BTBD8: variants seen among roughly 807,000 people sequenced by gnomAD.
BTBD8 encodes BTB/POZ domain-containing protein 8.
A neutral mutation model predicts 162.9 loss-of-function variants in BTBD8; 110 were observed. The observed-to-expected ratio is 0.68, with a 90% CI of 0.58 to 0.79. BTBD8 has a LOEUF of 0.79. Among genes scored for constraint, BTBD8 ranks in the 30% least tolerant of loss-of-function variants. BTBD8 has a pLI of 0.00. For missense variants in BTBD8, 1,905 were observed against 2,085.4 expected (o/e 0.91, Z 1.68); for synonymous variants, 667 against 716.1 (o/e 0.93, Z 1.10).
At chr1:92,117,536 T>G (rs145269459) in intron 4 of BTBD8, among the ~76,000 whole-genome samples, 2 of 151,992 alleles carry the variant, frequency 1.3e-5, no homozygotes, top group African/African-American at 4.8e-5. Context: ...CGGAAGGAAC[T>G]TGAATATCTG....
At chr1:92,086,513 C>T (rs768807408) in intron 1 of BTBD8, among the ~76,000 whole-genome samples, 1 of 151,992 alleles carries the variant, frequency 6.6e-6, no homozygotes, top group Non-Finnish European at 1.5e-5. Context: ...TGCCTGTGGT[C>T]CCAGCTACTT....
rs1254581072 is a variant in BTBD8, at chr1:92,176,809, A to AT, written c.1636-12dup. 46 of 1,160,446 alleles carry AT rather than the reference A, an allele frequency of 4.0e-5. No individual in the cohort carries two copies. Among genetic ancestry groups the AT allele is most frequent in the Admixed American group, 2.6e-4 (8 of 30,444 alleles). The allele number at this position is 1,160,446 out of a possible 1,614,324, so 71.9% of individuals were successfully genotyped here. A position where few individuals can be genotyped will look rare whatever the true frequency, so the allele number is the denominator to read the frequency against. On this transcript the variant is annotated intron_variant, in intron 13 of 17. Transcript: ENST00000636805. ...AAAGATTTCAGTCAAATTACAAAGTATTTTTTTTCTTTTTTATAGCAAAGG... is the reference window on the plus strand; with the variant it reads ...AAAGATTTCAGTCAAATTACAAAGTATTTTTTTTTCTTTTTTATAGCAAAGG...
rs765893275 is a variant in BTBD8, at chr1:92,141,162, A to G, written c.881A>G (p.Glu294Gly). The G allele has an allele frequency of 1.3e-6, 2 of 1,583,836 alleles. No individual in the cohort carries two copies. Among genetic ancestry groups the G allele is most frequent in the South Asian group, 2.3e-5 (2 of 88,276 alleles). The change falls in exon 7 of 18, where the codon GAA becomes GGA. Residue 294 changes from glutamate to glycine, a missense_variant. By Grantham distance (98) the Glu-to-Gly change is moderately conservative (BLOSUM62 -2). Around this residue, in one of 3 missense-constraint regions of BTBD8, gnomAD observed 1,374 missense variants for 1,442.7 expected, o/e 0.95. Coordinates refer to ENST00000636805, the MANE Select transcript of BTBD8 (RefSeq NM_001376131.1). ...ATGTATGGACTAGAAGGATTAAAAG[A>G]AGTAGCAATCTATATTTTAAGAAGA... is the stretch of plus-strand genomic sequence containing the variant. ...ADMYGLEGLKEVAIYILRRDY... is the reference protein window; with the variant it reads ...ADMYGLEGLKGVAIYILRRDY...
rs773641997 is a variant in BTBD8 at position 92,147,188 on chromosome 1, C to T, written c.939C>T (p.Pro313=). 6.2e-7 allele frequency: 1 copy of T among 1,603,150 alleles called. No individual in the cohort carries two copies. Among genetic ancestry groups the T allele is most frequent in the Non-Finnish European group, 8.5e-7 (1 of 1,175,186 alleles). ...TTTTCCATCAATTTTAGCCTGTTCC[C>T]AGAACATTGACGTCTATACTAGAAT... ...DYCNFFQKPV[P]RTLTSILECL... The change falls in exon 8 of 18, where the codon CCC becomes CCT. Residue 313 remains proline, a synonymous_variant. Coordinates refer to ENST00000636805, the MANE Select transcript of BTBD8 (RefSeq NM_001376131.1).
chr1:92,125,494 A>G, intron 4 of BTBD8: 1 of 319,612 alleles, frequency 3.1e-6, no homozygotes, highest in Non-Finnish European at 6.1e-6. Context: ...AGGCAAAACA[A>G]ATTCACAATC....
At chr1:92,117,928 T>C (rs1343844411) in intron 4 of BTBD8, among the ~76,000 whole-genome samples, 3 of 152,028 alleles carry the variant, frequency 2.0e-5, no homozygotes, top group Admixed American at 6.5e-5. Flanking sequence ...ATTTTCTAAT[T>C]ATTAAATGGA....
chr1:92,123,982 G>A (rs553555710), intron 4 of BTBD8, among the ~76,000 whole-genome samples: 2 of 152,020 alleles, frequency 1.3e-5, no homozygotes, highest in South Asian at 4.2e-4. Flanking sequence ...CTTCTGTTTA[G>A]AATGTGGCCG....
At position 92,181,692 on chromosome 1, in the gene BTBD8, A is replaced by G. The variant is rs1650912826; in HGVS notation, c.4009A>G (p.Thr1337Ala). ...SNNDLFQVNSTSDDEIPRKRP... is the reference protein window; with the variant it reads ...SNNDLFQVNSASDDEIPRKRP... ...TAATGATCTTTTCCAAGTTAATTCA[A>G]CGAGTGATGATGAAATCCCTAGGAA... Residue 1337 changes from threonine (T) to alanine (A), a missense_variant, in exon 17 of 18, where the codon ACG (threonine) becomes GCG (alanine). By Grantham distance (58) the Thr-to-Ala change is moderately conservative. Coordinates refer to ENST00000636805, the MANE Select transcript of BTBD8 (RefSeq NM_001376131.1). The G allele has an allele frequency of 2.6e-6, 4 of 1,551,614 alleles. No individual in the cohort carries two copies. Among genetic ancestry groups the G allele is most frequent in the Non-Finnish European group, 2.6e-6 (3 of 1,146,910 alleles).
intron 7 of BTBD8, among the ~76,000 whole-genome samples, chr1:92,146,662 G>A (rs1471222332): frequency 6.6e-6 from 1 of 152,060 alleles, no homozygotes; most frequent in Non-Finnish European, 1.5e-5. Flanking sequence ...TACTGTCTCT[G>A]TAGTTTTGTT....
Position 92,180,731 on chromosome 1 carries a change from A to G in BTBD8, c.3048A>G (p.Leu1016=), listed in dbSNP as rs1650866820. ...GCAGGCCTGACCCACAAAAGCCATTAAACGATCAAGAAAAAGAGAAGTTGG... is the reference window on the plus strand; with the variant it reads ...GCAGGCCTGACCCACAAAAGCCATTGAACGATCAAGAAAAAGAGAAGTTGG... ...SSCRPDPQKP[L]NDQEKEKLAL... is the part of the protein sequence containing the mutation. Residue 1016 remains leucine, a synonymous_variant, in exon 17 of 18, where the codon TTA becomes TTG. Coordinates refer to ENST00000636805, the MANE Select transcript of BTBD8 (RefSeq NM_001376131.1). 6.4e-7 allele frequency: 1 copy of G among 1,551,756 alleles called. No individual in the cohort carries two copies. The highest frequency in any genetic ancestry group is 8.7e-7 in the Non-Finnish European group (1 of 1,147,000).
chr1:92,109,590 A>C (rs1012217819), intron 4 of BTBD8, among the ~76,000 whole-genome samples: 3 of 152,198 alleles, frequency 2.0e-5, no homozygotes, highest in African/African-American at 7.2e-5. Context: ...CATATTAACT[A>C]GAAAGACAAT....
intron 13 of BTBD8, among the ~76,000 whole-genome samples, chr1:92,174,929 T>C (rs1014052737): frequency 6.6e-6 from 1 of 152,232 alleles, no homozygotes; most frequent in Non-Finnish European, 1.5e-5. Flanking sequence ...TATGTTATTT[T>C]ATCTTTGACA....
intron 2 of BTBD8, among the ~76,000 whole-genome samples, chr1:92,095,616 C>T (rs553173): frequency 0.032 from 4,797 of 152,274 alleles, 90 homozygotes; most frequent in African/African-American, 0.039. Flanking sequence ...ACAGGACAGT[C>T]ATCAGCAGAC....
chr1:92,180,210 C>A, intron 16 of BTBD8, 55 bp from the exon 17 acceptor site: 1 of 1,247,546 alleles, frequency 8.0e-7, no homozygotes, highest in Non-Finnish European at 1.1e-6. Flanking sequence ...CTAAATTTTA[C>A]TCACAAATTG....
chr1:92,084,755 C>T (rs1648108841), intron 1 of BTBD8, among the ~76,000 whole-genome samples: 1 of 152,192 alleles, frequency 6.6e-6, no homozygotes, highest in Admixed American at 6.5e-5. Context: ...GGTGCCTTCC[C>T]TACTGAGGTT....
At chr1:92,124,573 ACT>A (rs1460194015) in intron 4 of BTBD8, among the ~76,000 whole-genome samples, 2 of 152,082 alleles carry the variant, frequency 1.3e-5, no homozygotes, top group South Asian at 2.1e-4. Flanking sequence ...AGAGCAAGAG[ACT>A]CTGTCTGTAG....
chr1:92,168,781 G>C (rs1377829969), intron 11 of BTBD8, 85 bp from the exon 12 acceptor site: 7 of 1,269,268 alleles, frequency 5.5e-6, no homozygotes, highest in Non-Finnish European at 7.4e-6. Context: ...TCTAGCTTAG[G>C]AGTAAGTAGA....
rs1450445771 is a variant in BTBD8, at chr1:92,181,799, T to C, written c.4116T>C (p.Ala1372=). The C allele has an allele frequency of 1.3e-6, 2 of 1,551,174 alleles. No homozygotes were observed. Among genetic ancestry groups the C allele is most frequent in the Admixed American group, 3.9e-5 (2 of 50,982 alleles). ...TTCCACGAGGCAGTGTCCAGTTTGC[T>C]CAGGAAATAGATCAGGTATCTTCTT... is the stretch of plus-strand genomic sequence containing the variant. ...ENIPRGSVQF[A]QEIDQVSSSA... Residue 1372 remains alanine, a synonymous_variant, in exon 17 of 18, where the codon GCT becomes GCC. Coordinates refer to ENST00000636805, the MANE Select transcript of BTBD8 (RefSeq NM_001376131.1).
rs767966681 is a variant in BTBD8, at chr1:92,141,131, G to A, written c.850G>A (p.Ala284Thr). 1.9e-6 allele frequency: 3 copies of A among 1,563,240 alleles called. No homozygotes were observed. Among genetic ancestry groups the A allele is most frequent in the East Asian group, 2.3e-5 (1 of 43,172 alleles). Residue 284 changes from alanine (A) to threonine (T), a missense_variant, in exon 7 of 18, where the codon GCT (alanine) becomes ACT (threonine). Coordinates refer to ENST00000636805, the MANE Select transcript of BTBD8 (RefSeq NM_001376131.1). ...TTATTTTAGTCAGATACTCAATATG[G>A]CTGATATGTATGGACTAGAAGGATT... Reference protein sequence around the residue: ...KTNVGQILNMADMYGLEGLKE... With the variant: ...KTNVGQILNMTDMYGLEGLKE...
Sources: allele counts gnomAD v4.1 joint callset (sites outside exome capture counted in the v4.1 genomes callset), GRCh38; gene constraint gnomAD v4.1.1; regional missense constraint gnomAD v4.1.1; transcripts MANE v1.5; gene names NCBI Gene and HGNC (gene_info 2026-07-23, HGNC 2026-07-21).